Variants in BCR observed in about 807,000 individuals in gnomAD.
BCR encodes BCR activator of RhoGEF and GTPase, also known as breakpoint cluster region protein.
A neutral mutation model predicts 138.6 loss-of-function variants in BCR; 58 were observed. The ratio of observed to expected loss-of-function variants is 0.42; its 90% CI spans 0.34 to 0.52. The LOEUF (loss-of-function observed/expected upper bound fraction) is 0.52. Among genes scored for constraint, BCR ranks in the 20% least tolerant of loss-of-function variants. The pLI, the probability that BCR is intolerant of heterozygous loss-of-function variation, is 0.06. For missense variants in BCR, 1,599 were observed against 1,727.2 expected (o/e 0.93, Z 1.32); for synonymous variants, 786 against 730.1 (o/e 1.08, Z -1.23).
intron 1 of BCR, among the ~76,000 whole-genome samples, chr22:23,214,206 G>GTT (rs11384313): frequency 1.1e-3 from 153 of 138,338 alleles, no homozygotes; most frequent in East Asian, 7.0e-3. Flanking sequence ...TGTTTGGTTT[G>GTT]TTTTTTTTTT....
At chr22:23,203,754 C>T (rs2072581694) in intron 1 of BCR, among the ~76,000 whole-genome samples, 1 of 152,144 alleles carries the variant, frequency 6.6e-6, no homozygotes, top group Non-Finnish European at 1.5e-5. Flanking sequence ...CTGTTGTGGG[C>T]TACTTGTAAC....
intron 8 of BCR, among the ~76,000 whole-genome samples, chr22:23,279,764 T>A (rs2073621650): frequency 2.0e-5 from 3 of 152,196 alleles, no homozygotes; most frequent in Admixed American, 6.5e-5. Context: ...TTTTCCAGCA[T>A]CTCCATGGAG....
At chr22:23,267,138 A>G (rs1317804435) in intron 4 of BCR, among the ~76,000 whole-genome samples, 2 of 152,102 alleles carry the variant, frequency 1.3e-5, no homozygotes, top group Non-Finnish European at 2.9e-5. Context: ...CCGTGTCTGA[A>G]TTGTTTACCA....
At chr22:23,210,384 T>C (rs191710468) in intron 1 of BCR, among the ~76,000 whole-genome samples, 1 of 149,176 alleles carries the variant, frequency 6.7e-6, no homozygotes, top group South Asian at 2.1e-4. Flanking sequence ...GCCACTGTAC[T>C]CCAGCCTGGG....
At position 23,262,838 on chromosome 22, in the gene BCR, G is replaced by A. The variant is rs559615354; in HGVS notation, c.1752+1298G>A. On this transcript the variant is annotated intron_variant, in intron 4 of 22. Transcript: ENST00000305877. ...GAGGGGCAAGGCGGAAGAGGAAGCA[G>A]GGCGGAAGGGAAGCCCGGGCCGCAG... The A allele has an allele frequency of 2.1e-5, 22 of 1,036,060 alleles. No homozygotes were observed. In the Admixed American group the frequency reaches 2.2e-4, roughly 10 times the overall value. 64.2% of individuals were successfully genotyped at this position (1,036,060 alleles called of 1,614,324 possible). A position where few individuals can be genotyped will look rare whatever the true frequency, so the allele number is the denominator to read the frequency against.
At chr22:23,199,825 T>C (rs1405622707) in intron 1 of BCR, among the ~76,000 whole-genome samples, 1 of 152,132 alleles carries the variant, frequency 6.6e-6, no homozygotes, top group Non-Finnish European at 1.5e-5. Flanking sequence ...GCGCGATGGC[T>C]CACGCCTGTA....
chr22:23,300,743 G>T (rs142531774), intron 16 of BCR, among the ~76,000 whole-genome samples: 1 of 152,174 alleles, frequency 6.6e-6, no homozygotes, highest in African/African-American at 2.4e-5. Flanking sequence ...CATAACCCAG[G>T]CTGGCAGAGA....
At chr22:23,247,334 C>T (rs1017929307) in intron 1 of BCR, among the ~76,000 whole-genome samples, 17 of 152,208 alleles carry the variant, frequency 1.1e-4, no homozygotes, top group Non-Finnish European at 8.8e-5. Context: ...TAGTCTTTGG[C>T]TGCCAGTGTA....
chr22:23,183,669 T>A (rs1477466682), intron 1 of BCR, among the ~76,000 whole-genome samples: 1 of 152,228 alleles, frequency 6.6e-6, no homozygotes, highest in East Asian at 1.9e-4. Context: ...CAGCTGTTGG[T>A]CAGGCGAGCC....
chr22:23,238,028 T>C (rs1320108154), intron 1 of BCR, among the ~76,000 whole-genome samples: 3 of 152,168 alleles, frequency 2.0e-5, no homozygotes, highest in African/African-American at 7.2e-5. Context: ...CTCCCTCTGA[T>C]GGGGCCTGCT....
At chr22:23,224,289 G>T (rs1033177215) in intron 1 of BCR, among the ~76,000 whole-genome samples, 3 of 152,172 alleles carry the variant, frequency 2.0e-5, no homozygotes, top group Non-Finnish European at 4.4e-5. Context: ...TGGACTGTAG[G>T]GGGAGGACCG....
At chr22:23,218,283 G>T (rs540322235) in intron 1 of BCR, among the ~76,000 whole-genome samples, 104 of 152,362 alleles carry the variant, frequency 6.8e-4, no homozygotes, top group African/African-American at 2.5e-3. Context: ...GATTGCAGGA[G>T]GTGACCCGGG....
At chr22:23,191,842 C>T (rs2072418923) in intron 1 of BCR, among the ~76,000 whole-genome samples, 1 of 152,204 alleles carries the variant, frequency 6.6e-6, no homozygotes, top group African/African-American at 2.4e-5. Context: ...CCTAGTGATA[C>T]AGGTGGCCCG....
rs757426575 is a variant in BCR at position 23,253,833 on chromosome 22, C to T, written c.1314C>T (p.Cys438=). The change falls in exon 2 of 23, where the codon TGC becomes TGT. Residue 438 remains cysteine (C), a synonymous_variant. Coordinates refer to ENST00000305877, the MANE Select transcript of BCR (RefSeq NM_004327.4). The part of the protein sequence containing the change: ...GSFGTPPGYG[C]AADRAEEQRR... ...TCGGAACACCACCTGGATACGGCTG[C>T]GCTGCAGACCGGGCAGAGGAGCAGC... The T allele has an allele frequency of 1.6e-5, 25 of 1,612,646 alleles. No homozygotes were observed. Among genetic ancestry groups the T allele is most frequent in the East Asian group, 4.5e-5 (2 of 44,878 alleles).
rs10532946 is a variant in BCR, at chr22:23,299,694, TTATA to T, written c.3012+4560_3012+4563del. ...ATACATTGTTTAATGGATCTAGAGT[TTATA>T]TATATATATATATATATATAGTAAA... On this transcript the variant is annotated intron_variant, in intron 16 of 22. Coordinates refer to ENST00000305877, the MANE Select transcript of BCR (RefSeq NM_004327.4). Among the ~76,000 whole-genome samples the T allele has an allele frequency of 2.8e-3, 404 of 145,916 alleles. 2 individuals carry two copies. Among genetic ancestry groups the T allele is most frequent in the African/African-American group, 9.3e-3 (376 of 40,296 alleles).
intron 2 of BCR, among the ~76,000 whole-genome samples, chr22:23,254,842 C>T (rs1176937617): frequency 6.6e-6 from 1 of 152,116 alleles, no homozygotes; most frequent in Non-Finnish European, 1.5e-5. Flanking sequence ...AGATTACTTC[C>T]GCACTCTGCT....
Position 23,181,073 on chromosome 22 carries a change from G to A in BCR, c.113G>A (p.Cys38Tyr). The A allele has an allele frequency of 6.6e-7, 1 of 1,520,398 alleles. No homozygotes were observed. Among genetic ancestry groups the A allele is most frequent in the Non-Finnish European group, 8.9e-7 (1 of 1,128,622 alleles). The allele number at this position is 1,520,398 out of a possible 1,614,324, so 94.2% of individuals were successfully genotyped here. A position where few individuals can be genotyped will look rare whatever the true frequency, so the allele number is the denominator to read the frequency against. Residue 38 changes from cysteine to tyrosine, a missense_variant, in exon 1 of 23, where the codon TGC becomes TAC. Cys to Tyr is a radical substitution (Grantham distance 194). This residue lies in a region of BCR where 806 missense variants were observed against 635.0 expected (regional missense o/e 1.27). Coordinates refer to ENST00000305877, the MANE Select transcript of BCR (RefSeq NM_004327.4). ...GACATCGAGCAGGAGCTGGAGCGCT[G>A]CAAGGCCTCCATTCGGCGCCTGGAG... The part of the protein sequence containing the change: ...VGDIEQELER[C>Y]KASIRRLEQE...
At chr22:23,307,304 A>G (rs1364218742) in intron 16 of BCR, among the ~76,000 whole-genome samples, 1 of 151,940 alleles carries the variant, frequency 6.6e-6, no homozygotes, top group Non-Finnish European at 1.5e-5. Flanking sequence ...GGGTCTCACT[A>G]TATTGCCCAG....
intron 16 of BCR, among the ~76,000 whole-genome samples, chr22:23,303,696 CT>C (rs1432080133): frequency 6.6e-6 from 1 of 152,224 alleles, no homozygotes; most frequent in Non-Finnish European, 1.5e-5. Context: ...TGAGCAAATT[CT>C]TACACAGATT....
Sources: gnomAD v4.1 joint callset for allele counts (sites outside exome capture counted in the v4.1 genomes callset) on GRCh38, gnomAD v4.1.1 for gene constraint, gnomAD v4.1.1 regional missense constraint, MANE v1.5 for transcripts, NCBI Gene and HGNC (gene_info 2026-07-23, HGNC 2026-07-21) for gene names.